Variants in DPP10 observed in about 807,000 individuals in gnomAD.
DPP10 encodes the protein dipeptidyl peptidase like 10, also known as inactive dipeptidyl peptidase 10.
In DPP10, 33 loss-of-function variants were observed where a neutral mutation model predicts 120.9. The observed-to-expected ratio is 0.27, with a 90% confidence interval of 0.21 to 0.37. DPP10 has a LOEUF of 0.37. Among genes scored for constraint, DPP10 ranks in the 10% least tolerant of loss-of-function variants. The probability of loss-of-function intolerance (pLI) is 1.00; values close to 1 mark genes in which losing one functional copy is unlikely to be tolerated. For missense variants in DPP10, 816 were observed against 942.8 expected (o/e 0.87, Z 1.76); for synonymous variants, 337 against 326.1 (o/e 1.03, Z -0.36).
chr2:114,452,802 G>A (rs1433643216), intron 1 of DPP10, among the ~76,000 whole-genome samples: 1 of 152,096 alleles, frequency 6.6e-6, no homozygotes, highest in African/African-American at 2.4e-5. Flanking sequence ...CTAGAACCCA[G>A]CCTCTTTGTG....
At chr2:114,896,642 T>C (rs1393400337) in intron 1 of DPP10, among the ~76,000 whole-genome samples, 2 of 152,294 alleles carry the variant, frequency 1.3e-5, no homozygotes, top group South Asian at 2.1e-4. Context: ...TGGGCTGAGA[T>C]GATGGGGTTT....
At chr2:115,353,157 TTTGAG>T (rs2064147003) in intron 3 of DPP10, among the ~76,000 whole-genome samples, 2 of 152,010 alleles carry the variant, frequency 1.3e-5, no homozygotes, top group Admixed American at 1.3e-4. Context: ...GAGAAATCGG[TTTGAG>T]TTAAGAACGG....
At chr2:114,609,999 T>C (rs1693151090) in intron 1 of DPP10, among the ~76,000 whole-genome samples, 1 of 152,194 alleles carries the variant, frequency 6.6e-6, no homozygotes, top group African/African-American at 2.4e-5. Flanking sequence ...TACTTGGCTA[T>C]GTTCCAGAAC....
intron 11 of DPP10, among the ~76,000 whole-genome samples, chr2:115,759,499 TAAC>T (rs1303721225): frequency 6.6e-6 from 1 of 151,726 alleles, no homozygotes; most frequent in Non-Finnish European, 1.5e-5. Context: ...TACACTAAAA[TAAC>T]AAAAAACTGA....
intron 5 of DPP10, among the ~76,000 whole-genome samples, chr2:115,527,363 A>G (rs1211410460): frequency 6.6e-6 from 1 of 152,154 alleles, no homozygotes; most frequent in Non-Finnish European, 1.5e-5. Flanking sequence ...AAAACATCAT[A>G]TTGGCTTAAG....
At chr2:115,026,395 G>A (rs1489750365) in intron 1 of DPP10, among the ~76,000 whole-genome samples, 1 of 152,078 alleles carries the variant, frequency 6.6e-6, no homozygotes, top group Non-Finnish European at 1.5e-5. Context: ...TTTTATGCCA[G>A]TACCATACAG....
intron 7 of DPP10, among the ~76,000 whole-genome samples, chr2:115,699,042 A>AAAAAC (rs2091756678): frequency 7.0e-6 from 1 of 142,892 alleles, no homozygotes; most frequent in African/African-American, 2.5e-5. Context: ...AAAACAAAAA[A>AAAAAC]AAAAAAACAA....
chr2:114,819,864 A>T (rs1369158712), intron 1 of DPP10, among the ~76,000 whole-genome samples: 1 of 152,194 alleles, frequency 6.6e-6, no homozygotes, highest in Non-Finnish European at 1.5e-5. Flanking sequence ...TACATTTCCC[A>T]GAAAAGGAAC....
intron 5 of DPP10, among the ~76,000 whole-genome samples, chr2:115,532,404 T>A (rs1201440765): frequency 1.3e-5 from 2 of 152,096 alleles, no homozygotes; most frequent in Non-Finnish European, 2.9e-5. Flanking sequence ...CAGAAAGTTC[T>A]TATTTATCTT....
chr2:115,275,359 T>C (rs2059869322), intron 1 of DPP10, among the ~76,000 whole-genome samples: 1 of 152,192 alleles, frequency 6.6e-6, no homozygotes, highest in Non-Finnish European at 1.5e-5. Flanking sequence ...CAAATAAATA[T>C]TTACATAACG....
intron 5 of DPP10, among the ~76,000 whole-genome samples, chr2:115,578,529 C>T (rs1311322569): frequency 6.6e-6 from 1 of 152,132 alleles, no homozygotes; most frequent in East Asian, 1.9e-4. Context: ...TCAGTAGCCC[C>T]ATTTGCATTC....
chr2:115,688,723 T>C (rs146330804), intron 5 of DPP10, among the ~76,000 whole-genome samples: 194 of 152,260 alleles, frequency 1.3e-3, no homozygotes, highest in African/African-American at 4.4e-3. Flanking sequence ...AAGCAAAACA[T>C]AGAGGCATTT....
intron 1 of DPP10, among the ~76,000 whole-genome samples, chr2:114,690,585 G>T (rs1383889472): frequency 6.6e-6 from 1 of 151,924 alleles, no homozygotes. Flanking sequence ...TTGGTTCCAT[G>T]TGAATATACA....
chr2:115,393,337 A>G (rs1353130176), intron 3 of DPP10, among the ~76,000 whole-genome samples: 1 of 152,130 alleles, frequency 6.6e-6, no homozygotes, highest in Non-Finnish European at 1.5e-5. Flanking sequence ...CTATATGTGA[A>G]TAGATAAGAT....
chr2:115,179,350 A>G (rs1559193824), intron 1 of DPP10, among the ~76,000 whole-genome samples: 1 of 152,178 alleles, frequency 6.6e-6, no homozygotes, highest in Non-Finnish European at 1.5e-5. Context: ...ATAATCCCGC[A>G]TTATTAAAAT....
intron 1 of DPP10, among the ~76,000 whole-genome samples, chr2:115,301,340 C>G (rs1023222832): frequency 4.6e-5 from 7 of 151,870 alleles, no homozygotes; most frequent in Non-Finnish European, 1.0e-4. Flanking sequence ...TCATTTTCGT[C>G]TGAGAGCTCC....
intron 1 of DPP10, among the ~76,000 whole-genome samples, chr2:115,249,818 G>T (rs908485249): frequency 1.3e-5 from 2 of 152,100 alleles, no homozygotes; most frequent in Non-Finnish European, 2.9e-5. Flanking sequence ...AAATCTATGG[G>T]GTCAGGAAGG....
intron 5 of DPP10, among the ~76,000 whole-genome samples, chr2:115,630,835 G>T (rs2085792309): frequency 6.6e-6 from 1 of 152,044 alleles, no homozygotes; most frequent in Non-Finnish European, 1.5e-5. Flanking sequence ...TTGCATTGAT[G>T]TTTGTCAGGC....
At chr2:114,591,611 G>T (rs1411276221) in intron 1 of DPP10, among the ~76,000 whole-genome samples, 2 of 143,944 alleles carry the variant, frequency 1.4e-5, no homozygotes, top group African/African-American at 5.3e-5. Context: ...CTGGAGAGCA[G>T]TGGTGCAATC....
Sources: allele counts gnomAD v4.1 joint callset (sites outside exome capture counted in the v4.1 genomes callset), GRCh38; gene constraint gnomAD v4.1.1; transcripts MANE v1.5; gene names NCBI Gene and HGNC (gene_info 2026-07-23, HGNC 2026-07-21).